IFNAR2: variants seen among roughly 807,000 people sequenced by gnomAD.
The protein encoded by IFNAR2 is interferon alpha and beta receptor subunit 2, also known as interferon alpha/beta receptor 2.
In IFNAR2, 30 loss-of-function variants were observed where a neutral mutation model predicts 49.4. That is an observed-to-expected ratio of 0.61 (90% confidence interval 0.45 to 0.82). IFNAR2 has a LOEUF of 0.82. Ranked by LOEUF, IFNAR2 falls within the 40% of genes least tolerant of loss-of-function variation. IFNAR2 has a pLI of 0.00. For missense variants in IFNAR2, 600 were observed against 622.7 expected (o/e 0.96, Z 0.39); for synonymous variants, 224 against 234.5 (o/e 0.96, Z 0.41).
chr21:33,231,106 C>G (rs1365206680), intron 1 of IFNAR2, among the ~76,000 whole-genome samples: 1 of 152,024 alleles, frequency 6.6e-6, no homozygotes, highest in Non-Finnish European at 1.5e-5. Flanking sequence ...GGAGCTGGCT[C>G]AGGGAGAGGT....
Position 33,260,974 on chromosome 21 carries a change from A to T in IFNAR2, c.840+247A>T, listed in dbSNP as rs564946461. 2.0e-5 allele frequency among the ~76,000 whole-genome samples: 3 copies of T among 149,128 alleles called. No individual in the cohort carries two copies. The South Asian group carries it at 6.3e-4, about 31-fold the overall frequency. On this transcript the variant is annotated intron_variant, in intron 8 of 8. Coordinates refer to ENST00000342136, the MANE Select transcript of IFNAR2 (RefSeq NM_001289125.3). ...TGTGCACAGTGTGCAGGTTAGTTAC[A>T]TATATATACATGTGCAGTTGTAAGT...
At chr21:33,260,526 G>A (rs1025270919) in intron 7 of IFNAR2, 71 bp from the exon 8 acceptor site, 13 of 1,434,534 alleles carry the variant, frequency 9.1e-6, no homozygotes, top group Non-Finnish European at 1.1e-5. Context: ...CCAGGCCAAT[G>A]TACATTTATT....
chr21:33,262,978 G>C lies in IFNAR2; in HGVS notation c.1026G>C (p.Leu342=). The C allele has an allele frequency of 1.2e-6, 2 of 1,614,188 alleles. No homozygotes were observed. Among genetic ancestry groups the C allele is most frequent in the Non-Finnish European group, 1.7e-6 (2 of 1,180,028 alleles). ...GCGGTGGCTATACCATGCATGGACT[G>C]ACTGTCAGGCCTCTGGGTCAGGCCT... ...TSGGGYTMHG[L]TVRPLGQASA... Residue 342 remains leucine, a synonymous_variant, in exon 9 of 9, where the codon CTG becomes CTC. Transcript: ENST00000342136.
At chr21:33,241,697 A>G (rs1986938872) in intron 1 of IFNAR2, 143 bp from the exon 2 acceptor site, 2 of 463,444 alleles carry the variant, frequency 4.3e-6, no homozygotes, top group Non-Finnish European at 7.2e-6. Flanking sequence ...TTAAATTTAA[A>G]ATTCCTCCCA....
intron 7 of IFNAR2, among the ~76,000 whole-genome samples, chr21:33,256,756 G>C (rs911048739): frequency 6.6e-6 from 1 of 152,216 alleles, no homozygotes; most frequent in African/African-American, 2.4e-5. Flanking sequence ...GGATTTAGCA[G>C]TGAACAAAAC....
intron 1 of IFNAR2, among the ~76,000 whole-genome samples, chr21:33,233,191 C>G (rs1986187156): frequency 6.6e-6 from 1 of 151,988 alleles, no homozygotes; most frequent in African/African-American, 2.4e-5. Context: ...AGAACAGAAG[C>G]AATACTGCTG....
chr21:33,246,659 A>C (rs1186234180), intron 4 of IFNAR2, 59 bp from the exon 5 acceptor site: 1 of 1,392,908 alleles, frequency 7.2e-7, no homozygotes, highest in Non-Finnish European at 9.9e-7. Flanking sequence ...GCGCCCAAAA[A>C]TAGACTCTCA....
At chr21:33,254,641 C>T (rs1371698413) in intron 7 of IFNAR2, among the ~76,000 whole-genome samples, 4 of 152,130 alleles carry the variant, frequency 2.6e-5, no homozygotes, top group African/African-American at 9.7e-5. Context: ...AACCCTTTGT[C>T]TTAACCCAGA....
chr21:33,256,500 A>T (rs1488288804), intron 7 of IFNAR2, among the ~76,000 whole-genome samples: 1 of 152,142 alleles, frequency 6.6e-6, no homozygotes, highest in East Asian at 1.9e-4. Flanking sequence ...GGGGTCTTGG[A>T]AGGATAGCCT....
At chr21:33,248,985 T>C in intron 6 of IFNAR2, 131 bp downstream of exon 6, 1 of 661,766 alleles carries the variant, frequency 1.5e-6, no homozygotes, top group Non-Finnish European at 2.6e-6. Context: ...ATGGTCCGAC[T>C]TAGGGAAGAA....
At position 33,244,969 on chromosome 21, in the gene IFNAR2, G is replaced by C; in HGVS notation, c.116G>C (p.Cys39Ser). Residue 39 changes from cysteine to serine, a missense_variant, in exon 4 of 9, where the codon TGC becomes TCC. Coordinates refer to ENST00000342136, the MANE Select transcript of IFNAR2 (RefSeq NM_001289125.3). The part of the protein sequence containing the change: ...YDSPDYTDES[C>S]TFKISLRNFR... ...TCTTTAGATTACACAGATGAATCTT[G>C]CACTTTCAAGATATCATTGCGAAAT... 1 of 1,613,524 alleles carries C rather than the reference G, an allele frequency of 6.2e-7. No homozygotes were observed. The highest frequency in any genetic ancestry group is 8.5e-7 in the Non-Finnish European group (1 of 1,179,554).
intron 4 of IFNAR2, among the ~76,000 whole-genome samples, chr21:33,246,308 G>C (rs1478870107): frequency 1.3e-5 from 2 of 152,262 alleles, no homozygotes; most frequent in East Asian, 3.9e-4. Context: ...CTGACCTCGT[G>C]ATCCGCCCGC....
intron 1 of IFNAR2, chr21:33,234,664 G>T (rs938743551): frequency 2.9e-6 from 2 of 692,324 alleles, no homozygotes; most frequent in South Asian, 7.1e-5. Flanking sequence ...TTGAAAATTG[G>T]CAGGGTTTGT....
In IFNAR2 at chr21:33,262,802, A is replaced by G; in HGVS notation, c.850A>G (p.Asn284Asp). 6.3e-7 allele frequency: 1 copy of G among 1,581,866 alleles called. No homozygotes were observed. Among genetic ancestry groups the G allele is most frequent in the East Asian group, 2.2e-5 (1 of 44,694 alleles). Residue 284 changes from asparagine to aspartate, a missense_variant, in exon 9 of 9, where the codon AAC (asparagine) becomes GAC (aspartate). Transcript: ENST00000342136. ...NSLPKVLNFH[N>D]FLAWPFPNLP... ...TTTTTTTTTTTTTAAGAATTTTCAT[A>G]ACTTTTTAGCCTGGCCATTTCCTAA...
chr21:33,247,413 G>A (rs1180245565), intron 5 of IFNAR2, among the ~76,000 whole-genome samples: 2 of 151,784 alleles, frequency 1.3e-5, no homozygotes, highest in Non-Finnish European at 2.9e-5. Context: ...CACCATACCT[G>A]GCTCATTTTT....
intron 1 of IFNAR2, chr21:33,236,630 TAGC>T: frequency 5.4e-6 from 5 of 934,182 alleles, no homozygotes; most frequent in Non-Finnish European, 5.1e-6. Context: ...ATGCCAACAG[TAGC>T]AGCAGCAGTT....
rs146627373 is a variant in IFNAR2, at chr21:33,263,371, C to T, written c.1419C>T (p.Ser473=). 7.1e-5 allele frequency: 115 copies of T among 1,614,062 alleles called. No homozygotes were observed. Among genetic ancestry groups the T allele is most frequent in the African/African-American group, 6.4e-4 (48 of 75,000 alleles). Residue 473 remains serine (S), a synonymous_variant, in exon 9 of 9, where the codon AGC becomes AGT. Transcript: ENST00000342136. ...DNVQSNHLLA[S]GEGTQPTFPS... is the part of the protein sequence containing the mutation. ...TGCAATCAAACCATTTGCTGGCCAG[C>T]GGGGAAGGGACACAGCCAACCTTTC...
Position 33,230,635 on chromosome 21 carries a change from C to T in IFNAR2, c.-84+419C>T. ...GCAAAACCGGCTCACCAGCTGGGTG[C>T]TCAGGTTCGGGATCTCCAGCCCGCC... On this transcript the variant is annotated intron_variant, in intron 1 of 8. Coordinates refer to ENST00000342136, the MANE Select transcript of IFNAR2 (RefSeq NM_001289125.3). The surrounding 1 kb of genome is among the most constrained non-coding windows in gnomAD (Gnocchi z 5.5). 1 of 468,706 alleles carries T rather than the reference C, an allele frequency of 2.1e-6. No individual in the cohort carries two copies. Among genetic ancestry groups the T allele is most frequent in the Non-Finnish European group, 4.4e-6 (1 of 225,786 alleles). 29.0% of individuals were successfully genotyped at this position (468,706 alleles called of 1,614,324 possible).
chr21:33,257,148 A>G (rs1209759575), intron 7 of IFNAR2, among the ~76,000 whole-genome samples: 1 of 152,184 alleles, frequency 6.6e-6, no homozygotes, highest in Non-Finnish European at 1.5e-5. Flanking sequence ...GTCAGCAGCC[A>G]GTCAGTTACT....
Sources: gnomAD v4.1 joint callset for allele counts (sites outside exome capture counted in the v4.1 genomes callset) on GRCh38, gnomAD v4.1.1 for gene constraint, Gnocchi (gnomAD v3.1) non-coding constraint, MANE v1.5 for transcripts, NCBI Gene and HGNC (gene_info 2026-07-23, HGNC 2026-07-21) for gene names.